The following NTRK2 variants were observed in gnomAD, a reference collection of about 807,000 sequenced individuals.
NTRK2 encodes the protein neurotrophic receptor tyrosine kinase 2, also known as BDNF/NT-3 growth factors receptor.
A neutral mutation model predicts 94.5 loss-of-function variants in NTRK2; 13 were observed. That is an observed-to-expected ratio of 0.14 (90% CI 0.09 to 0.22). The LOEUF (loss-of-function observed/expected upper bound fraction) is 0.22. Ranked by LOEUF, NTRK2 falls within the 10% of genes least tolerant of loss-of-function variation. The pLI is 1.00. For missense variants in NTRK2, 639 were observed against 1,071.2 expected, an observed-to-expected ratio of 0.60 and a Z score of 5.63; for synonymous variants, 372 against 407.4, an observed-to-expected ratio of 0.91 and a Z score of 1.05.
At chr9:84,682,382 A>AGG (rs1349139844) in intron 2 of NTRK2, among the ~76,000 whole-genome samples, 2 of 152,196 alleles carry the variant, frequency 1.3e-5, no homozygotes, top group African/African-American at 4.8e-5. Context: ...AGCAGCGCAA[A>AGG]GGAGTGTACC....
At chr9:84,799,845 C>T (rs1316657185) in intron 12 of NTRK2, among the ~76,000 whole-genome samples, 2 of 152,060 alleles carry the variant, frequency 1.3e-5, no homozygotes, top group East Asian at 3.9e-4. Context: ...TTTAGCTTCC[C>T]CTGGAAAATA....
At chr9:84,990,012 G>T (rs1828848526) in intron 17 of NTRK2, among the ~76,000 whole-genome samples, 1 of 151,856 alleles carries the variant, frequency 6.6e-6, no homozygotes, top group African/African-American at 2.4e-5. Flanking sequence ...CTTTTGCTGG[G>T]GGTTTTTTGC....
At chr9:84,897,609 T>C (rs894826160) in intron 14 of NTRK2, among the ~76,000 whole-genome samples, 24 of 152,336 alleles carry the variant, frequency 1.6e-4, no homozygotes, top group African/African-American at 5.5e-4. Context: ...TCTTGTTCTG[T>C]CCCTGGACAA....
chr9:84,879,546 AT>A (rs1483039792), intron 14 of NTRK2, among the ~76,000 whole-genome samples: 2 of 152,342 alleles, frequency 1.3e-5, no homozygotes, highest in African/African-American at 2.4e-5. Flanking sequence ...CATTAAAAAA[AT>A]CTTAATAATT....
chr9:84,701,140 A>G (rs1423136147), intron 2 of NTRK2, among the ~76,000 whole-genome samples: 2 of 152,254 alleles, frequency 1.3e-5, no homozygotes, highest in Non-Finnish European at 2.9e-5. Flanking sequence ...TTGGATCACT[A>G]GGGACTTTAC....
At chr9:84,814,536 C>A in intron 12 of NTRK2, 1 of 1,065,950 alleles carries the variant, frequency 9.4e-7, no homozygotes, top group South Asian at 4.5e-5. Context: ...TTAGAACACA[C>A]ACGACTTTTT....
chr9:84,801,293 C>T (rs541504158), intron 12 of NTRK2, among the ~76,000 whole-genome samples: 1 of 152,290 alleles, frequency 6.6e-6, no homozygotes, highest in South Asian at 2.1e-4. Context: ...TGCTGCCTAA[C>T]CAGCGGCAGG....
chr9:84,953,582 T>C (rs1304657799), intron 16 of NTRK2, among the ~76,000 whole-genome samples: 1 of 152,146 alleles, frequency 6.6e-6, no homozygotes, highest in Non-Finnish European at 1.5e-5. Flanking sequence ...CCTGGAGCAT[T>C]TTCCCAGCAT....
intron 12 of NTRK2, among the ~76,000 whole-genome samples, chr9:84,757,870 T>C (rs2065215887): frequency 6.6e-6 from 1 of 152,156 alleles, no homozygotes; most frequent in Non-Finnish European, 1.5e-5. Flanking sequence ...GGAAATGTAT[T>C]GCTAGGAGGA....
At chr9:84,954,654 C>T (rs763096101) in intron 16 of NTRK2, among the ~76,000 whole-genome samples, 3 of 152,206 alleles carry the variant, frequency 2.0e-5, no homozygotes, top group African/African-American at 7.2e-5. Flanking sequence ...CCCTGGGACT[C>T]TGTTGTTGAA....
intron 12 of NTRK2, among the ~76,000 whole-genome samples, chr9:84,855,353 G>C (rs2131932637): frequency 6.6e-6 from 1 of 152,266 alleles, no homozygotes; most frequent in East Asian, 1.9e-4. Flanking sequence ...GAGAACAGAA[G>C]TAAATAGAAT....
chr9:84,694,871 TAGA>T (rs2060266833), intron 2 of NTRK2, among the ~76,000 whole-genome samples: 1 of 151,968 alleles, frequency 6.6e-6, no homozygotes. Context: ...ATTGATAGAT[TAGA>T]TTTGATAAAA....
intron 12 of NTRK2, among the ~76,000 whole-genome samples, chr9:84,847,016 AAAC>A (rs1336852484): frequency 1.7e-4 from 26 of 152,240 alleles, no homozygotes; most frequent in African/African-American, 6.0e-4. Context: ...TTGGGATTCA[AAAC>A]AACAACAAAA....
chr9:85,019,457 A>G lies in NTRK2; in HGVS notation c.2173-749A>G, dbSNP rs150278229. On this transcript the variant is annotated intron_variant, in intron 17 of 18. Transcript: ENST00000277120. ...TCCATGAAGTAGGAAGTCATATACA[A>G]TTTTACTTTGTCAAAGAAAGTTTTC... Among the ~76,000 whole-genome samples, 266 of 152,312 alleles carry G rather than the reference A, an allele frequency of 1.7e-3. 2 individuals are homozygous for G. Among genetic ancestry groups the G allele is most frequent in the African/African-American group, 6.1e-3 (252 of 41,574 alleles).
chr9:84,901,258 T>C (rs1384169861), intron 14 of NTRK2, among the ~76,000 whole-genome samples: 1 of 132,214 alleles, frequency 7.6e-6, no homozygotes, highest in Non-Finnish European at 1.7e-5. Context: ...AGTCTCTCCT[T>C]GTCACCCAGA....
chr9:84,882,719 TGC>T lies in NTRK2; in HGVS notation c.1633+15301_1633+15302del, dbSNP rs1554762159. ...TCTAGTGTGTGTGTGTGTGTGTGTGTGCGCGCGCGCGCGCATGTGTGCATTAT... is the reference window on the plus strand; with the variant it reads ...TCTAGTGTGTGTGTGTGTGTGTGTGTGCGCGCGCGCGCATGTGTGCATTAT... On this transcript the variant is annotated intron_variant, in intron 14 of 18. Transcript: ENST00000277120. Among the ~76,000 whole-genome samples, 259 of 145,776 alleles carry T rather than the reference TGC, an allele frequency of 1.8e-3. 1 individual carries two copies. The highest frequency in any genetic ancestry group is 5.6e-3 in the Admixed American group (82 of 14,610).
chr9:84,929,232 A>T (rs2077931532), intron 14 of NTRK2, among the ~76,000 whole-genome samples: 2 of 152,212 alleles, frequency 1.3e-5, no homozygotes, highest in Admixed American at 1.3e-4. Flanking sequence ...TGCTGAAGAC[A>T]CATTGCGACA....
intron 12 of NTRK2, among the ~76,000 whole-genome samples, chr9:84,830,535 A>C (rs1240189888): frequency 7.1e-6 from 1 of 141,448 alleles, no homozygotes. Context: ...ATGAGCATGC[A>C]TGCGTGTGTG....
intron 12 of NTRK2, among the ~76,000 whole-genome samples, chr9:84,761,212 T>C (rs761094060): frequency 2.0e-5 from 3 of 152,168 alleles, no homozygotes; most frequent in South Asian, 4.1e-4. Flanking sequence ...TCTTTAAGTC[T>C]TTTGTAGACA....
Sources: allele counts gnomAD v4.1 joint callset (sites outside exome capture counted in the v4.1 genomes callset), GRCh38; gene constraint gnomAD v4.1.1; transcripts MANE v1.5; gene names NCBI Gene and HGNC (gene_info 2026-07-23, HGNC 2026-07-21).